The following AFF3 variants were observed in gnomAD, a reference collection of about 807,000 sequenced individuals.
AFF3 encodes the protein ALF transcription elongation factor 3, also known as AF4/FMR2 family member 3.
Under a neutral mutation model 129.7 loss-of-function variants are expected in AFF3, and 32 were observed. The observed-to-expected ratio is 0.25, with a 90% CI of 0.19 to 0.33. AFF3 has a LOEUF of 0.33. Ranked by LOEUF, AFF3 falls within the 10% of genes least tolerant of loss-of-function variation. AFF3 has a pLI of 1.00. For missense variants in AFF3, 1,373 were observed against 1,592.0 expected (o/e 0.86, Z 2.34); for synonymous variants, 644 against 635.4 (o/e 1.01, Z -0.20).
chr2:99,934,995 T>C (rs1326658404), intron 7 of AFF3, among the ~76,000 whole-genome samples: 1 of 152,220 alleles, frequency 6.6e-6, no homozygotes, highest in Non-Finnish European at 1.5e-5. Context: ...CATTTGACTG[T>C]CATGTATACC....
At chr2:99,799,696 T>A (rs1685792880) in intron 8 of AFF3, among the ~76,000 whole-genome samples, 1 of 152,112 alleles carries the variant, frequency 6.6e-6, no homozygotes, top group Non-Finnish European at 1.5e-5. Flanking sequence ...ATCGAAAGAT[T>A]ATACTATTTG....
At chr2:100,079,838 G>A (rs776510360) in intron 4 of AFF3, among the ~76,000 whole-genome samples, 2 of 152,114 alleles carry the variant, frequency 1.3e-5, no homozygotes, top group Non-Finnish European at 2.9e-5. Context: ...TGCGTTCTGG[G>A]TCAATAGACT....
rs562508508 is a variant in AFF3 at position 100,086,443 on chromosome 2, C to A, written c.53+17959G>T. 8.8e-3 allele frequency among the ~76,000 whole-genome samples: 1,336 copies of A among 152,160 alleles called. 23 individuals are homozygous for A. Among genetic ancestry groups the A allele is most frequent in the Non-Finnish European group, 9.2e-3 (629 of 68,004 alleles). On this transcript the variant is annotated intron_variant, in intron 4 of 24. Transcript: ENST00000672756. ...GGCTGAGGCAGGAGAATCACTTGAACCTGGGAGGCAGAGGTTGCAGTGAGC... is the reference window on the plus strand; with the variant it reads ...GGCTGAGGCAGGAGAATCACTTGAAACTGGGAGGCAGAGGTTGCAGTGAGC...
chr2:99,602,416 AT>A (rs1193469786), intron 13 of AFF3, among the ~76,000 whole-genome samples: 1 of 152,244 alleles, frequency 6.6e-6, no homozygotes, highest in Non-Finnish European at 1.5e-5. Context: ...CCAGAAAGTC[AT>A]TACATACTCA....
chr2:99,624,537 T>G (rs1024105961), intron 13 of AFF3, among the ~76,000 whole-genome samples: 2 of 152,110 alleles, frequency 1.3e-5, no homozygotes, highest in Non-Finnish European at 2.9e-5. Context: ...AAAGAAAGTG[T>G]CACCCACACG....
intron 8 of AFF3, among the ~76,000 whole-genome samples, chr2:99,767,160 G>A (rs1683085468): frequency 6.6e-6 from 1 of 152,200 alleles, no homozygotes; most frequent in Non-Finnish European, 1.5e-5. Context: ...GACTACTCTA[G>A]GTCTTGGGAA....
intron 4 of AFF3, among the ~76,000 whole-genome samples, chr2:100,037,222 A>C (rs933995614): frequency 1.3e-5 from 2 of 151,828 alleles, no homozygotes; most frequent in Non-Finnish European, 2.9e-5. Flanking sequence ...TGGTATATTT[A>C]TGTAATGTAG....
intron 7 of AFF3, among the ~76,000 whole-genome samples, chr2:99,991,931 A>C (rs1053581369): frequency 6.6e-6 from 1 of 151,918 alleles, no homozygotes; most frequent in Non-Finnish European, 1.5e-5. Context: ...AAAAAAACCC[A>C]AAAAACCTTA....
chr2:100,063,021 C>T (rs970631661), intron 4 of AFF3, among the ~76,000 whole-genome samples: 17 of 151,970 alleles, frequency 1.1e-4, no homozygotes, highest in Non-Finnish European at 1.6e-4. Flanking sequence ...GAGGCCAAGG[C>T]GGGTGGATCA....
intron 9 of AFF3, among the ~76,000 whole-genome samples, chr2:99,748,618 C>T (rs991491825): frequency 5.3e-5 from 8 of 152,174 alleles, no homozygotes; most frequent in Non-Finnish European, 1.0e-4. Flanking sequence ...TCCTTCGAGG[C>T]TCTGCACAGG....
At chr2:100,074,447 T>C (rs1013535457) in intron 4 of AFF3, among the ~76,000 whole-genome samples, 1 of 152,208 alleles carries the variant, frequency 6.6e-6, no homozygotes, top group African/African-American at 2.4e-5. Flanking sequence ...ATGTTAATAA[T>C]CATGATAATA....
intron 2 of AFF3, among the ~76,000 whole-genome samples, chr2:100,110,605 G>A (rs1326551708): frequency 2.0e-5 from 3 of 152,198 alleles, no homozygotes; most frequent in Non-Finnish European, 2.9e-5. Context: ...GGTGGAGAAA[G>A]GGCAGCAGAA....
chr2:100,018,805 C>A (rs1194587029), intron 4 of AFF3, among the ~76,000 whole-genome samples: 3 of 151,992 alleles, frequency 2.0e-5, no homozygotes, highest in Non-Finnish European at 4.4e-5. Flanking sequence ...AGCTCCCTTC[C>A]CGGCAGCAGC....
At chr2:99,656,869 C>A (rs897590371) in intron 12 of AFF3, among the ~76,000 whole-genome samples, 1 of 152,088 alleles carries the variant, frequency 6.6e-6, no homozygotes, top group East Asian at 1.9e-4. Flanking sequence ...GCATTTTGTT[C>A]GGTCAACTTT....
Position 99,900,709 on chromosome 2 carries a change from TG to T in AFF3, c.874-63186del, listed in dbSNP as rs1694284132. ...AGTGTCTGGGTGGCCAGACCAGGCC[TG>T]GGATTCTCTGAAGGTCACAGAATGT... On this transcript the variant is annotated intron_variant, in intron 7 of 24. Coordinates refer to ENST00000672756, the MANE Select transcript of AFF3 (RefSeq NM_001386135.1). 2.0e-5 allele frequency among the ~76,000 whole-genome samples: 3 copies of T among 152,250 alleles called. No homozygotes were observed. In the South Asian group the frequency reaches 6.2e-4, roughly 32 times the overall value.
intron 9 of AFF3, among the ~76,000 whole-genome samples, chr2:99,746,339 G>T (rs1459343431): frequency 6.6e-6 from 1 of 152,108 alleles, no homozygotes; most frequent in Non-Finnish European, 1.5e-5. Context: ...GGGGTAAAGG[G>T]TGTCATTTGA....
intron 7 of AFF3, among the ~76,000 whole-genome samples, chr2:99,938,349 A>G (rs1487828292): frequency 6.6e-6 from 1 of 152,208 alleles, no homozygotes; most frequent in Non-Finnish European, 1.5e-5. Context: ...GCATATAGTA[A>G]GAGTGTGTAC....
At chr2:99,817,226 C>T (rs1292493963) in intron 8 of AFF3, among the ~76,000 whole-genome samples, 1 of 152,178 alleles carries the variant, frequency 6.6e-6, no homozygotes, top group East Asian at 1.9e-4. Context: ...GAGACGCCTA[C>T]AACAAAGTAC....
chr2:99,594,481 T>C (rs541426827), intron 14 of AFF3, among the ~76,000 whole-genome samples, 192 bp from the exon 15 acceptor site: 1 of 152,334 alleles, frequency 6.6e-6, no homozygotes, highest in African/African-American at 2.4e-5. Flanking sequence ...GCCTGGATGA[T>C]GCTGTCCTTA....
Sources: gnomAD v4.1 joint callset for allele counts (sites outside exome capture counted in the v4.1 genomes callset) on GRCh38, gnomAD v4.1.1 for gene constraint, MANE v1.5 for transcripts, NCBI Gene and HGNC (gene_info 2026-07-23, HGNC 2026-07-21) for gene names.